Variants in REPS2 observed in about 807,000 individuals in gnomAD.
REPS2 encodes the protein RALBP1 associated Eps domain containing 2, also known as ralBP1-associated Eps domain-containing protein 2.
A neutral mutation model predicts 53.6 loss-of-function variants in REPS2; 23 were observed. The ratio of observed to expected loss-of-function variants is 0.43; its 90% CI spans 0.31 to 0.61. REPS2 has a LOEUF of 0.61. REPS2 is among the 20% of genes least tolerant of loss of function. The pLI is 0.11. For synonymous variants in REPS2, 238 were observed against 218.6 expected (o/e 1.09, Z -0.78); for missense variants, 446 against 534.9 (o/e 0.83, Z 1.64).
At chrX:17,112,558 T>C (rs1175577772) in intron 14 of REPS2, among the ~76,000 whole-genome samples, 1 of 111,503 alleles carries the variant, frequency 9.0e-6, no homozygotes, top group Non-Finnish European at 1.9e-5. Flanking sequence ...AAACTAGAAA[T>C]CAATAACAGA....
intron 14 of REPS2, among the ~76,000 whole-genome samples, chrX:17,122,324 C>T (rs1051768657): frequency 8.9e-6 from 1 of 111,994 alleles, no homozygotes; most frequent in African/African-American, 3.2e-5. Context: ...TACTCTGTGT[C>T]TGGCTTTTTA....
At chrX:17,048,782 A>G (rs2061941514) in intron 6 of REPS2, among the ~76,000 whole-genome samples, 1 of 112,939 alleles carries the variant, frequency 8.9e-6, no homozygotes, top group East Asian at 2.8e-4. Context: ...GTAAAAACAA[A>G]TCTGTGCTAC....
chrX:17,107,825 C>CT (rs993951302), intron 14 of REPS2, among the ~76,000 whole-genome samples: 4 of 111,838 alleles, frequency 3.6e-5, no homozygotes, highest in Middle Eastern at 4.6e-3. Context: ...GAAGAGGTGA[C>CT]TTTTTTTTGA....
intron 13 of REPS2, 119 bp downstream of exon 13, chrX:17,077,526 G>A (rs1569163518): frequency 8.4e-6 from 6 of 713,442 alleles, no homozygotes; most frequent in Middle Eastern, 4.8e-4. Context: ...TTCGCATTCC[G>A]TGAAGGTCTT....
chrX:17,099,375 A>C (rs1344476727), intron 13 of REPS2, among the ~76,000 whole-genome samples: 3 of 110,753 alleles, frequency 2.7e-5, no homozygotes, highest in Non-Finnish European at 5.7e-5. Flanking sequence ...CAAAAACTAC[A>C]CATTTGCTAC....
downstream of REPS2, among the ~76,000 whole-genome samples, chrX:17,154,681 T>C (rs73456305): frequency 0.036 from 4,011 of 112,354 alleles, 176 homozygotes; most frequent in African/African-American, 0.12. Context: ...AGAGAGATGG[T>C]GGAGAAGATA....
chrX:16,947,280 G>A, intron 1 of REPS2, 146 bp downstream of exon 1: 1 of 852,957 alleles, frequency 1.2e-6, no homozygotes, highest in Non-Finnish European at 1.5e-6. Flanking sequence ...CGGGGATGGC[G>A]GCGACGCCCT....
chrX:16,989,403 C>T (rs1435880487), intron 1 of REPS2, among the ~76,000 whole-genome samples: 1 of 111,495 alleles, frequency 9.0e-6, no homozygotes, highest in African/African-American at 3.3e-5. Flanking sequence ...TTAGACCTGA[C>T]ACCAAAGGTA....
chrX:17,173,309 G>A, the REPS2 span, among the ~76,000 whole-genome samples: 1 of 111,431 alleles, frequency 9.0e-6, no homozygotes, highest in Admixed American at 9.6e-5. Context: ...GGTTGTTGAC[G>A]CAATTTATTT....
At chrX:16,964,078 G>T (rs868428797) in intron 1 of REPS2, among the ~76,000 whole-genome samples, 9 of 105,137 alleles carry the variant, frequency 8.6e-5, no homozygotes, top group Non-Finnish European at 1.8e-4. Context: ...TTCTCGCAGA[G>T]GGGGATTTGG....
chrX:17,093,363 G>A (rs187575014), intron 13 of REPS2, among the ~76,000 whole-genome samples: 28 of 104,981 alleles, frequency 2.7e-4, no homozygotes, highest in African/African-American at 9.8e-4. Context: ...ATGAGTACTC[G>A]TAATTTTCCT....
At chrX:17,027,098 A>G (rs1166711432) in intron 4 of REPS2, among the ~76,000 whole-genome samples, 1 of 112,032 alleles carries the variant, frequency 8.9e-6, no homozygotes, top group Non-Finnish European at 1.9e-5. Context: ...CTGGCCATGC[A>G]CATGTTTTAA....
At position 17,054,945 on chromosome X, in the gene REPS2, A is replaced by C; in HGVS notation, c.1109A>C (p.Gln370Pro). ...CCAACTCTGCAGCCAGAATACCTGC[A>C]GGCAGGTAAGGCCTCACCATCAACT... ...LPPTLQPEYL[Q>P]AAFPKPKWDC... The change falls in exon 8 of 18, where the codon CAG becomes CCG. Residue 370 changes from glutamine to proline, a missense_variant. Physicochemically the swap from Gln to Pro is moderately conservative, Grantham distance 76. Transcript: ENST00000357277. 1 of 1,209,817 alleles carries C rather than the reference A, an allele frequency of 8.3e-7. No homozygotes were observed. The highest frequency in any genetic ancestry group is 1.1e-6 in the Non-Finnish European group (1 of 894,267).
At chrX:17,099,876 G>T (rs914342140) in intron 13 of REPS2, 57 of 748,683 alleles carry the variant, frequency 7.6e-5, no homozygotes, top group Non-Finnish European at 1.1e-4. Flanking sequence ...GACTTCCTTG[G>T]CAGGGACGAG....
intron 14 of REPS2, among the ~76,000 whole-genome samples, chrX:17,118,003 A>C (rs1603068014): frequency 1.3e-5 from 1 of 74,814 alleles, no homozygotes; most frequent in Non-Finnish European, 2.3e-5. Context: ...TCTGTCGCCC[A>C]GGCTGGAGTG....
chrX:17,130,173 C>T (rs2063272867), intron 14 of REPS2, among the ~76,000 whole-genome samples: 1 of 111,574 alleles, frequency 9.0e-6, no homozygotes, highest in Non-Finnish European at 1.9e-5. Context: ...TTGGAGTATG[C>T]GTCCATTTGT....
At chrX:17,116,135 T>C (rs779273146) in intron 14 of REPS2, among the ~76,000 whole-genome samples, 1 of 111,693 alleles carries the variant, frequency 9.0e-6, no homozygotes, top group South Asian at 3.8e-4. Context: ...TCTCTACTTA[T>C]TTCTTCTGTT....
intron 14 of REPS2, among the ~76,000 whole-genome samples, chrX:17,122,002 G>A (rs971380524): frequency 3.6e-5 from 4 of 111,402 alleles, no homozygotes; most frequent in Non-Finnish European, 7.5e-5. Flanking sequence ...TGCCCACCTC[G>A]GCCTCCCAAA....
chrX:17,001,152 T>A (rs1360508326), intron 1 of REPS2, among the ~76,000 whole-genome samples: 2 of 112,787 alleles, frequency 1.8e-5, no homozygotes, highest in Non-Finnish European at 3.7e-5. Flanking sequence ...GATGCTGATA[T>A]GATTTAGCTA....
Sources: allele counts gnomAD v4.1 joint callset (sites outside exome capture counted in the v4.1 genomes callset), GRCh38; gene constraint gnomAD v4.1.1; transcripts MANE v1.5; gene names NCBI Gene and HGNC (gene_info 2026-07-23, HGNC 2026-07-21).